SCN2A: variants seen among roughly 807,000 people sequenced by gnomAD.
SCN2A encodes the protein sodium voltage-gated channel alpha subunit 2.
Under a neutral mutation model 188.7 loss-of-function variants are expected in SCN2A, and 20 were observed. That is an observed-to-expected ratio of 0.11 (90% confidence interval 0.07 to 0.15). SCN2A has a LOEUF of 0.15. Among genes scored for constraint, SCN2A ranks in the 10% least tolerant of loss-of-function variants. The probability of loss-of-function intolerance (pLI) is 1.00; values close to 1 mark genes in which losing one functional copy is unlikely to be tolerated. For synonymous variants in SCN2A, 804 were observed against 833.1 expected (o/e 0.97, Z 0.60); for missense variants, 1,278 against 2,445.0 (o/e 0.52, Z 10.07).
intron 10 of SCN2A, 69 bp downstream of exon 10, chr2:165,314,177 A>G (rs1231806825): frequency 6.7e-7 from 1 of 1,490,450 alleles, no homozygotes; most frequent in African/African-American, 1.4e-5. Context: ...TGTTGAGGTC[A>G]GTGGCAAGGT....
At chr2:165,316,977 C>G (rs1381641964) in intron 11 of SCN2A, among the ~76,000 whole-genome samples, 1 of 151,972 alleles carries the variant, frequency 6.6e-6, no homozygotes, top group African/African-American at 2.4e-5. Flanking sequence ...TATCAAGTTG[C>G]CTATGAAGAA....
intron 3 of SCN2A, 69 bp from the exon 4 acceptor site, chr2:165,307,779 G>A (rs1697215647): frequency 2.0e-6 from 2 of 976,844 alleles, no homozygotes; most frequent in African/African-American, 3.2e-5. Flanking sequence ...CTTCATGGTG[G>A]TGAAGGCATG....
rs536795235 is a variant in SCN2A at position 165,265,515 on chromosome 2, A to T, written c.-52+25875A>T. Among the ~76,000 whole-genome samples, 118 of 115,428 alleles carry T rather than the reference A, an allele frequency of 1.0e-3. 1 individual carries two copies. The highest frequency in any genetic ancestry group is 5.4e-3 in the East Asian group (19 of 3,510). 75.7% of individuals were successfully genotyped at this position (115,428 alleles called of 152,430 possible). ...TATATATATATATATATATATATATATTGCTGTGCAGAAGCTCTTTAGTTT... is the reference window on the plus strand; with the variant it reads ...TATATATATATATATATATATATATTTTGCTGTGCAGAAGCTCTTTAGTTT... On this transcript the variant is annotated intron_variant, in intron 1 of 26. Coordinates refer to ENST00000375437, the MANE Select transcript of SCN2A (RefSeq NM_001040142.2).
At chr2:165,275,337 TCTC>T (rs1416651956) in intron 1 of SCN2A, among the ~76,000 whole-genome samples, 8 of 152,254 alleles carry the variant, frequency 5.3e-5, no homozygotes, top group African/African-American at 9.6e-5. Flanking sequence ...AATACATCCT[TCTC>T]CTCCCCAACC....
At chr2:165,299,882 A>G (rs1696711870) in intron 3 of SCN2A, among the ~76,000 whole-genome samples, 1 of 152,186 alleles carries the variant, frequency 6.6e-6, no homozygotes, top group Non-Finnish European at 1.5e-5. Context: ...ATAAGTTTTT[A>G]TTTTAAACTT....
intron 1 of SCN2A, among the ~76,000 whole-genome samples, chr2:165,241,360 C>G (rs1693615191): frequency 6.6e-6 from 1 of 152,156 alleles, no homozygotes; most frequent in Admixed American, 6.5e-5. Flanking sequence ...CTACCCTATG[C>G]TCATGAATGA....
intron 11 of SCN2A, among the ~76,000 whole-genome samples, chr2:165,318,837 A>G (rs1697912891): frequency 6.6e-6 from 1 of 152,198 alleles, no homozygotes; most frequent in South Asian, 2.1e-4. Flanking sequence ...TTATTTCCTC[A>G]TAGCTAATTC....
intron 26 of SCN2A, among the ~76,000 whole-genome samples, 163 bp downstream of exon 26, chr2:165,387,179 C>T (rs1321706237): frequency 6.6e-6 from 1 of 152,170 alleles, no homozygotes; most frequent in African/African-American, 2.4e-5. Flanking sequence ...TCTCTAATTG[C>T]ATGCTGTGCT....
At chr2:165,318,459 G>T (rs1697886280) in intron 11 of SCN2A, among the ~76,000 whole-genome samples, 1 of 152,156 alleles carries the variant, frequency 6.6e-6, no homozygotes, top group Admixed American at 6.5e-5. Context: ...TTGGTATGGG[G>T]AATATTTCTT....
intron 26 of SCN2A, 57 bp downstream of exon 26, chr2:165,387,073 A>T: frequency 6.5e-7 from 1 of 1,540,642 alleles, no homozygotes; most frequent in South Asian, 1.1e-5. Context: ...TATGTGTTTT[A>T]AAACTTTAGA....
chr2:165,249,389 C>T (rs1424496163), intron 1 of SCN2A, among the ~76,000 whole-genome samples: 1 of 152,116 alleles, frequency 6.6e-6, no homozygotes, highest in Non-Finnish European at 1.5e-5. Flanking sequence ...AGGACTTAAT[C>T]ATTGCAGTAT....
rs1702123921 is a variant in SCN2A at position 165,391,569 on chromosome 2, C to T, written c.*1745C>T. ...TCTGCTTTTTTATTAGTACTGTAAA[C>T]TTGCACACATTTCAATGTGAAACAA... On this transcript the variant is annotated 3_prime_UTR_variant, in exon 27 of 27. Coordinates refer to ENST00000375437, the MANE Select transcript of SCN2A (RefSeq NM_001040142.2). 1 of 152,394 alleles carries T rather than the reference C, an allele frequency of 6.6e-6. No individual in the cohort carries two copies. Among genetic ancestry groups the T allele is most frequent in the Admixed American group, 6.6e-5 (1 of 15,222 alleles). 9.4% of individuals were successfully genotyped at this position (152,394 alleles called of 1,614,324 possible).
intron 11 of SCN2A, chr2:165,320,200 CT>C (rs1454072329): frequency 6.6e-6 from 1 of 152,362 alleles, no homozygotes; most frequent in East Asian, 1.9e-4. Context: ...AATCTTAAAG[CT>C]CAAAAATGAT....
At chr2:165,331,250 A>T (rs1338455487) in intron 13 of SCN2A, 80 bp from the exon 14 acceptor site, 29 of 1,133,230 alleles carry the variant, frequency 2.6e-5, no homozygotes, top group South Asian at 2.5e-5. Context: ...TAGATTTTTT[A>T]AATTCCTTTT....
chr2:165,294,008 A>C, intron 1 of SCN2A: 1 of 484,142 alleles, frequency 2.1e-6, no homozygotes, highest in Non-Finnish European at 2.5e-6. Flanking sequence ...TTGAAGGAGA[A>C]TTAAAAAAAA....
chr2:165,333,695 G>C (rs1256333919), intron 14 of SCN2A, among the ~76,000 whole-genome samples: 1 of 151,552 alleles, frequency 6.6e-6, no homozygotes, highest in Non-Finnish European at 1.5e-5. Flanking sequence ...AGTAAAATAG[G>C]AGATTTCCCA....
chr2:165,311,739 A>G (rs536902432), intron 7 of SCN2A, among the ~76,000 whole-genome samples: 2 of 152,246 alleles, frequency 1.3e-5, no homozygotes, highest in South Asian at 2.1e-4. Flanking sequence ...ATCCCATGCA[A>G]TTTGAGCTTA....
At chr2:165,251,504 C>T (rs73021894) in intron 1 of SCN2A, among the ~76,000 whole-genome samples, 2,140 of 152,046 alleles carry the variant, frequency 0.014, 29 homozygotes, top group African/African-American at 0.041. Flanking sequence ...GGCCCAGTGA[C>T]GATTATCTTG....
chr2:165,387,151 T>A, intron 26 of SCN2A, 135 bp downstream of exon 26: 1 of 894,470 alleles, frequency 1.1e-6, no homozygotes, highest in Non-Finnish European at 1.7e-6. Context: ...TCCATTGTTT[T>A]AGTTTTAGTT....
Sources: allele counts gnomAD v4.1 joint callset (sites outside exome capture counted in the v4.1 genomes callset), GRCh38; gene constraint gnomAD v4.1.1; transcripts MANE v1.5; gene names NCBI Gene and HGNC (gene_info 2026-07-23, HGNC 2026-07-21).